Variants in NPFFR2 observed in about 807,000 individuals in gnomAD.
The protein encoded by NPFFR2 is G-protein coupled receptor 74.
NPFFR2 carries 15 observed loss-of-function variants against 13.1 expected under a neutral mutation model. The observed-to-expected ratio is 1.15, with a 90% CI of 0.77 to 1.76. NPFFR2 has a LOEUF of 1.76. Among genes scored for constraint, NPFFR2 ranks in the 40% most tolerant of loss-of-function variants. The probability of loss-of-function intolerance (pLI) is 0.00; values close to 1 mark genes in which losing one functional copy is unlikely to be tolerated. For synonymous variants in NPFFR2, 190 were observed against 175.7 expected (o/e 1.08, Z -0.65); for missense variants, 572 against 503.5 (o/e 1.14, Z -1.30).
intron 1 of NPFFR2, among the ~76,000 whole-genome samples, chr4:72,103,093 G>C (rs1009298589): frequency 6.6e-6 from 1 of 152,022 alleles, no homozygotes; most frequent in Non-Finnish European, 1.5e-5. Context: ...ATCTCATTGT[G>C]GTTTTGATTT....
intron 1 of NPFFR2, among the ~76,000 whole-genome samples, chr4:72,063,901 T>C (rs141881568): frequency 6.6e-6 from 1 of 152,278 alleles, no homozygotes; most frequent in East Asian, 1.9e-4. Context: ...AGAAACAAAA[T>C]TTGTCTATGT....
chr4:72,038,932 G>T (rs1719118873), intron 1 of NPFFR2, among the ~76,000 whole-genome samples: 2 of 51,906 alleles, frequency 3.9e-5, no homozygotes, highest in Non-Finnish European at 7.1e-5. Context: ...TTTTTGAGAT[G>T]GAGTCTCTGT....
At chr4:72,041,740 G>T (rs1447736191) in intron 1 of NPFFR2, among the ~76,000 whole-genome samples, 2 of 152,150 alleles carry the variant, frequency 1.3e-5, no homozygotes, top group East Asian at 3.9e-4. Context: ...GCATTTCTCT[G>T]ATGTTTAGTG....
Position 72,084,146 on chromosome 4 carries a change from A to T in NPFFR2, c.-7-44439A>T, listed in dbSNP as rs561326813. On this transcript the variant is annotated intron_variant, in intron 1 of 3. Coordinates refer to ENST00000308744, the MANE Select transcript of NPFFR2 (RefSeq NM_004885.3). ...CTCTGCCCAAACCATTCTATATAAC[A>T]ATCAGAAACATCTTTTAAAAATGTA... Among the ~76,000 whole-genome samples the T allele has an allele frequency of 3.3e-5, 5 of 152,300 alleles. No individual in the cohort carries two copies. The South Asian group carries it at 1.0e-3, about 32-fold the overall frequency.
chr4:72,114,533 T>C (rs1035077279), intron 1 of NPFFR2, among the ~76,000 whole-genome samples: 1 of 152,164 alleles, frequency 6.6e-6, no homozygotes, highest in Non-Finnish European at 1.5e-5. Flanking sequence ...ATTTGGCAAA[T>C]GTAAATAATG....
At chr4:72,120,858 A>G (rs1721851276) in intron 1 of NPFFR2, among the ~76,000 whole-genome samples, 1 of 151,948 alleles carries the variant, frequency 6.6e-6, no homozygotes, top group South Asian at 2.1e-4. Context: ...AAGGACCACA[A>G]CTCCTTGCCA....
At chr4:72,060,529 T>C (rs1462194459) in intron 1 of NPFFR2, among the ~76,000 whole-genome samples, 2 of 152,156 alleles carry the variant, frequency 1.3e-5, no homozygotes, top group East Asian at 3.8e-4. Flanking sequence ...CTCAATATTA[T>C]AACAAAAGTG....
chr4:72,147,733 A>G lies in NPFFR2; in HGVS notation c.1184A>G (p.Tyr395Cys), dbSNP rs201706126. The part of the protein sequence containing the change: ...FQNPHGETLL[Y>C]RKSAEKPQQE... The stretch of plus-strand genomic sequence containing the variant: ...AACCCTCATGGGGAAACCTTGCTTT[A>G]TAGGAAAAGTGCTGAAAAACCCCAA... The change falls in exon 4 of 4, where the codon TAT becomes TGT. Residue 395 changes from tyrosine (Y) to cysteine (C), a missense_variant. Tyr to Cys is a radical substitution (Grantham distance 194). Coordinates refer to ENST00000308744, the MANE Select transcript of NPFFR2 (RefSeq NM_004885.3). 1.0e-4 allele frequency: 164 copies of G among 1,608,444 alleles called. No homozygotes were observed. The highest frequency in any genetic ancestry group is 2.8e-4 in the African/African-American group (21 of 74,560).
At chr4:72,145,592 G>T (rs1419864640) in intron 3 of NPFFR2, among the ~76,000 whole-genome samples, 1 of 152,100 alleles carries the variant, frequency 6.6e-6, no homozygotes, top group Non-Finnish European at 1.5e-5. Flanking sequence ...AGAATTCTTG[G>T]ATTAGAAGAC....
intron 1 of NPFFR2, among the ~76,000 whole-genome samples, chr4:72,087,003 T>C (rs1325191768): frequency 4.6e-5 from 7 of 152,160 alleles, no homozygotes; most frequent in African/African-American, 1.4e-4. Context: ...ACAGAGAAAT[T>C]GGGAGAGAAA....
intron 2 of NPFFR2, among the ~76,000 whole-genome samples, chr4:72,131,383 G>A (rs554284948): frequency 6.9e-5 from 10 of 145,450 alleles, no homozygotes; most frequent in African/African-American, 2.3e-4. Context: ...ACTCATAGGT[G>A]GGAATTGAAC....
chr4:72,049,046 T>A (rs1174267460), intron 1 of NPFFR2, among the ~76,000 whole-genome samples: 4 of 152,098 alleles, frequency 2.6e-5, no homozygotes, highest in Non-Finnish European at 5.9e-5. Context: ...AAGAAAGTTC[T>A]CATTCCCTTA....
At chr4:72,133,372 T>C (rs1722311992) in intron 2 of NPFFR2, among the ~76,000 whole-genome samples, 1 of 152,220 alleles carries the variant, frequency 6.6e-6, no homozygotes, top group Admixed American at 6.5e-5. Context: ...TCTATGTGTC[T>C]ATTTTTGTAC....
At chr4:72,086,362 A>T (rs1420389015) in intron 1 of NPFFR2, among the ~76,000 whole-genome samples, 1 of 152,086 alleles carries the variant, frequency 6.6e-6, no homozygotes, top group East Asian at 1.9e-4. Flanking sequence ...ATGGACCAGA[A>T]CATGGATATC....
chr4:72,071,782 ATTG>A (rs535014779), intron 1 of NPFFR2, among the ~76,000 whole-genome samples: 57 of 152,220 alleles, frequency 3.7e-4, no homozygotes, highest in African/African-American at 1.2e-3. Flanking sequence ...GGCTAAAGCC[ATTG>A]TTGTTTTACC....
intron 1 of NPFFR2, among the ~76,000 whole-genome samples, chr4:72,109,529 C>A (rs925176983): frequency 2.0e-5 from 3 of 151,958 alleles, no homozygotes; most frequent in African/African-American, 7.2e-5. Flanking sequence ...ATCTCATTAG[C>A]CAGTGCATGG....
Position 72,090,369 on chromosome 4 carries a change from G to A in NPFFR2, c.-7-38216G>A, listed in dbSNP as rs965405293. On this transcript the variant is annotated intron_variant, in intron 1 of 3. Coordinates refer to ENST00000308744, the MANE Select transcript of NPFFR2 (RefSeq NM_004885.3). ...TTCTAGTTCTGTGAAGATTGATGAT[G>A]GTATTTTGATGTGAATTGCATTGAA... Among the ~76,000 whole-genome samples, 9 of 152,092 alleles carry A rather than the reference G, an allele frequency of 5.9e-5. No homozygotes were observed. In the East Asian group the frequency reaches 1.7e-3, roughly 29 times the overall value.
At chr4:72,066,612 GGATGGGCACAAGTTA>G (rs1720079439) in intron 1 of NPFFR2, among the ~76,000 whole-genome samples, 1 of 146,538 alleles carries the variant, frequency 6.8e-6, no homozygotes, top group Non-Finnish European at 1.5e-5. Context: ...ATAGGTGGTG[GGATGGGCACAAGTTA>G]GATGTTTCTG....
At chr4:72,051,767 AAGAG>A (rs1212981525) in intron 1 of NPFFR2, among the ~76,000 whole-genome samples, 1 of 152,058 alleles carries the variant, frequency 6.6e-6, no homozygotes, top group African/African-American at 2.4e-5. Flanking sequence ...TAAAGAAAAA[AAGAG>A]AGAAGAATCA....
Sources: gnomAD v4.1 joint callset for allele counts (sites outside exome capture counted in the v4.1 genomes callset) on GRCh38, gnomAD v4.1.1 for gene constraint, MANE v1.5 for transcripts, NCBI Gene and HGNC (gene_info 2026-07-23, HGNC 2026-07-21) for gene names.